LMNB1: variants seen among roughly 807,000 people sequenced by gnomAD.
LMNB1 encodes lamin-B1.
A neutral mutation model predicts 67.1 loss-of-function variants in LMNB1; 23 were observed. The observed-to-expected ratio is 0.34, with a 90% CI of 0.25 to 0.49. The LOEUF (loss-of-function observed/expected upper bound fraction) is 0.49, where lower values mean the gene tolerates loss of function less well. LMNB1 is among the 20% of genes least tolerant of loss of function. The pLI, the probability that LMNB1 is intolerant of heterozygous loss-of-function variation, is 0.99. For missense variants in LMNB1, 634 were observed against 746.5 expected (o/e 0.85, Z 1.76); for synonymous variants, 281 against 282.9 (o/e 0.99, Z 0.07).
At chr5:126,788,818 TGA>T (rs1327904592) in intron 1 of LMNB1, among the ~76,000 whole-genome samples, 1 of 151,788 alleles carries the variant, frequency 6.6e-6, no homozygotes, top group Non-Finnish European at 1.5e-5. Context: ...AAGGGGAGAA[TGA>T]GAGGAAAAAG....
In LMNB1 at chr5:126,807,851, C is replaced by T. The variant is rs556160934; in HGVS notation, c.642+2155C>T. ...GAATGGATGTTAAGATAGTCCTCTT[C>T]AGTTTTGTTTTTGTTTTTGTTTTTT... On this transcript the variant is annotated intron_variant, in intron 3 of 10. Transcript: ENST00000261366. Among the ~76,000 whole-genome samples the T allele has an allele frequency of 5.3e-5, 3 of 56,194 alleles. No individual in the cohort carries two copies. The South Asian group carries it at 2.2e-3, about 40-fold the overall frequency. The allele number at this position is 56,194 out of a possible 152,430, so 36.9% of individuals were successfully genotyped here.
At chr5:126,805,759 C>T in intron 3 of LMNB1, 63 bp downstream of exon 3, 1 of 1,077,060 alleles carries the variant, frequency 9.3e-7, no homozygotes, top group Admixed American at 2.5e-5. Flanking sequence ...TTTGTCATAG[C>T]TAAACATGTA....
Position 126,810,733 on chromosome 5 carries a change from A to G in LMNB1, c.813+383A>G, listed in dbSNP as rs536508285. Among the ~76,000 whole-genome samples the G allele has an allele frequency of 2.6e-5, 4 of 152,344 alleles. No homozygotes were observed. The East Asian group carries it at 7.7e-4, about 29-fold the overall frequency. On this transcript the variant is annotated intron_variant, in intron 4 of 10. Coordinates refer to ENST00000261366, the MANE Select transcript of LMNB1 (RefSeq NM_005573.4). ...ATGAATGAATGTCAGACTGCATTAG[A>G]TCTCACTTTCATGTCATCATTGTGC...
intron 1 of LMNB1, among the ~76,000 whole-genome samples, chr5:126,799,821 G>A (rs1395737729): frequency 6.6e-6 from 1 of 152,180 alleles, no homozygotes. Context: ...ACATTTGTGT[G>A]GGTTAGAAAA....
intron 1 of LMNB1, among the ~76,000 whole-genome samples, chr5:126,797,086 G>A (rs1355773495): frequency 6.6e-6 from 1 of 152,098 alleles, no homozygotes; most frequent in East Asian, 1.9e-4. Flanking sequence ...ACTGCACCCA[G>A]CCTGGCTAAT....
At chr5:126,824,636 T>C (rs1751946330) in intron 8 of LMNB1, among the ~76,000 whole-genome samples, 2 of 152,214 alleles carry the variant, frequency 1.3e-5, no homozygotes, top group Non-Finnish European at 2.9e-5. Flanking sequence ...AAATATTGCT[T>C]ACAATTAGGG....
At chr5:126,808,801 G>A (rs903269817) in intron 3 of LMNB1, among the ~76,000 whole-genome samples, 11 of 152,086 alleles carry the variant, frequency 7.2e-5, no homozygotes, top group East Asian at 1.9e-4. Context: ...AAATACATGC[G>A]CTAATATACA....
intron 1 of LMNB1, among the ~76,000 whole-genome samples, chr5:126,778,105 T>G (rs1750520905): frequency 6.6e-6 from 1 of 151,918 alleles, no homozygotes; most frequent in Non-Finnish European, 1.5e-5. Flanking sequence ...ATTTCTAGAT[T>G]TTGGATACCC....
At chr5:126,791,040 C>T (rs1218199594) in intron 1 of LMNB1, among the ~76,000 whole-genome samples, 1 of 151,476 alleles carries the variant, frequency 6.6e-6, no homozygotes, top group Admixed American at 6.6e-5. Context: ...AATAAATAAA[C>T]AAATAAACAA....
chr5:126,833,442 A>G (rs556039896), intron 10 of LMNB1, among the ~76,000 whole-genome samples: 1 of 152,300 alleles, frequency 6.6e-6, no homozygotes, highest in African/African-American at 2.4e-5. Context: ...CTTTGTTTCC[A>G]TGGCTCCAGA....
intron 8 of LMNB1, 49 bp downstream of exon 8, chr5:126,822,934 C>A: frequency 8.2e-7 from 1 of 1,215,280 alleles, no homozygotes; most frequent in Admixed American, 1.9e-5. Context: ...TGTTAACTAA[C>A]AAAGTAACTC....
At chr5:126,818,133 A>G (rs544835779) in intron 5 of LMNB1, among the ~76,000 whole-genome samples, 122 of 152,290 alleles carry the variant, frequency 8.0e-4, no homozygotes, top group African/African-American at 2.3e-3. Context: ...TGCCTTCCAC[A>G]TAGTAACCAG....
intron 1 of LMNB1, among the ~76,000 whole-genome samples, chr5:126,778,217 C>T (rs967927953): frequency 2.0e-5 from 3 of 151,968 alleles, no homozygotes; most frequent in African/African-American, 7.2e-5. Flanking sequence ...CCTCAGGCCC[C>T]AGGTGCGGGG....
chr5:126,800,982 A>ATATATATATTTTTTTTTTTTT, intron 1 of LMNB1, among the ~76,000 whole-genome samples: 1 of 18,632 alleles, frequency 5.4e-5, no homozygotes, highest in African/African-American at 1.7e-4. Flanking sequence ...TATATATATA[A>ATATATATATTTTTTTTTTTTT]TTTTTTTTTT....
At chr5:126,827,335 A>T (rs1561754212) in intron 9 of LMNB1, among the ~76,000 whole-genome samples, 1 of 152,170 alleles carries the variant, frequency 6.6e-6, no homozygotes. Flanking sequence ...AATAAGATAA[A>T]GTGATTTTCT....
intron 1 of LMNB1, among the ~76,000 whole-genome samples, chr5:126,786,192 G>A (rs189408656): frequency 2.8e-5 from 4 of 143,944 alleles, no homozygotes; most frequent in East Asian, 2.1e-4. Context: ...GCACGATCTC[G>A]GTTCACTGCA....
intron 1 of LMNB1, among the ~76,000 whole-genome samples, chr5:126,796,377 T>C (rs1751093000): frequency 6.6e-6 from 1 of 152,146 alleles, no homozygotes; most frequent in Non-Finnish European, 1.5e-5. Context: ...AGAGTCATCC[T>C]CACAGAAGGA....
Position 126,777,357 on chromosome 5 carries a change from C to T in LMNB1, c.-152C>T. On this transcript the variant is annotated 5_prime_UTR_variant, in exon 1 of 11. Coordinates refer to ENST00000261366, the MANE Select transcript of LMNB1 (RefSeq NM_005573.4). ...GTGCTGTAATCGAGCTCCCGCCATCCCAGGTGCTTCTCCGTTCCTCTAAAC... is the reference window on the plus strand; with the variant it reads ...GTGCTGTAATCGAGCTCCCGCCATCTCAGGTGCTTCTCCGTTCCTCTAAAC... The T allele has an allele frequency of 3.4e-6, 3 of 873,376 alleles. No homozygotes were observed. The highest frequency in any genetic ancestry group is 4.5e-6 in the Non-Finnish European group (3 of 662,474). 54.1% of individuals were successfully genotyped at this position (873,376 alleles called of 1,614,324 possible).
chr5:126,787,546 A>ATATATATTT lies in LMNB1; in HGVS notation c.359+9680_359+9681insATATATTTT. 1.4e-4 allele frequency among the ~76,000 whole-genome samples: 9 copies of ATATATATTT among 65,570 alleles called. No individual in the cohort carries two copies. The East Asian group carries it at 2.0e-3, about 14-fold the overall frequency. 43.0% of individuals were successfully genotyped at this position (65,570 alleles called of 152,430 possible). A position where few individuals can be genotyped will look rare whatever the true frequency, so the allele number is the denominator to read the frequency against. On this transcript the variant is annotated intron_variant, in intron 1 of 10. Coordinates refer to ENST00000261366, the MANE Select transcript of LMNB1 (RefSeq NM_005573.4). ...GGGGTATATATATATATATATATAT[A>ATATATATTT]TTTTTTTTTTTTTTTTTTGAGATAG...
Sources: allele counts gnomAD v4.1 joint callset (sites outside exome capture counted in the v4.1 genomes callset), GRCh38; gene constraint gnomAD v4.1.1; transcripts MANE v1.5; gene names NCBI Gene and HGNC (gene_info 2026-07-23, HGNC 2026-07-21).